SLC30A8: variants seen among roughly 807,000 people sequenced by gnomAD.
SLC30A8 encodes the protein solute carrier family 30 member 8, also known as proton-coupled zinc antiporter SLC30A8.
A neutral mutation model predicts 36.9 loss-of-function variants in SLC30A8; 27 were observed. That is an observed-to-expected ratio of 0.73 (90% confidence interval 0.54 to 1.01). The LOEUF (loss-of-function observed/expected upper bound fraction) is 1.01, where lower values mean the gene tolerates loss of function less well. SLC30A8 is among the 50% of genes least tolerant of loss of function. SLC30A8 has a pLI of 0.00. For synonymous variants in SLC30A8, 164 were observed against 172.4 expected (o/e 0.95, Z 0.38); for missense variants, 439 against 452.0 (o/e 0.97, Z 0.26).
chr8:117,026,145 C>T (rs1816864436), intron 1 of SLC30A8, among the ~76,000 whole-genome samples: 1 of 152,108 alleles, frequency 6.6e-6, no homozygotes, highest in Admixed American at 6.6e-5. Flanking sequence ...GATTGCAATC[C>T]CCTGGCTGAC....
intron 1 of SLC30A8, among the ~76,000 whole-genome samples, chr8:117,031,556 G>A (rs1355371389): frequency 6.6e-6 from 1 of 151,708 alleles, no homozygotes; most frequent in Non-Finnish European, 1.5e-5. Flanking sequence ...TGCCTCCTGG[G>A]TTCAAGCGAT....
chr8:117,157,990 G>T, intron 4 of SLC30A8, 146 bp downstream of exon 4: 6 of 904,266 alleles, frequency 6.6e-6, no homozygotes, highest in Admixed American at 2.9e-5. Context: ...TGAAAATAAG[G>T]TTGACTGCTT....
At chr8:117,100,392 A>T (rs1048027370) in intron 2 of SLC30A8, among the ~76,000 whole-genome samples, 2 of 152,280 alleles carry the variant, frequency 1.3e-5, no homozygotes, top group East Asian at 1.9e-4. Context: ...GAGGTATTCA[A>T]ATCTTAATCT....
intron 2 of SLC30A8, among the ~76,000 whole-genome samples, chr8:117,097,962 A>G (rs1263536325): frequency 8.2e-6 from 1 of 122,224 alleles, no homozygotes; most frequent in Non-Finnish European, 1.6e-5. Flanking sequence ...AAATAAATAT[A>G]TTAAATAAAT....
chr8:117,003,515 G>A (rs1816081489), intron 1 of SLC30A8, among the ~76,000 whole-genome samples: 1 of 152,180 alleles, frequency 6.6e-6, no homozygotes, highest in South Asian at 2.1e-4. Context: ...AATTTGAAAA[G>A]CAGAGCGGCA....
intron 1 of SLC30A8, among the ~76,000 whole-genome samples, chr8:117,142,508 CT>C (rs34936109): frequency 1.9e-4 from 29 of 152,202 alleles, no homozygotes; most frequent in Admixed American, 7.9e-4. Context: ...AATCTGATCC[CT>C]TTTTTGACCT....
At chr8:117,129,325 G>A (rs1397110124) in intron 2 of SLC30A8, among the ~76,000 whole-genome samples, 1 of 151,938 alleles carries the variant, frequency 6.6e-6, no homozygotes, top group African/African-American at 2.4e-5. Context: ...TGACTGTATG[G>A]TATAAAGTGG....
At position 117,002,655 on chromosome 8, in the gene SLC30A8, A is replaced by C. The variant is rs540231946; in HGVS notation, c.-265-36564A>C. On this transcript the variant is annotated intron_variant, in intron 1 of 10. Transcript: ENST00000427715. Reference sequence around the variant, plus strand: ...GAGTCTTGCTCTGTCACCAGGCTGGAGTGCAGTGGCGCAATCTTGGCTCAC... The same window carrying C: ...GAGTCTTGCTCTGTCACCAGGCTGGCGTGCAGTGGCGCAATCTTGGCTCAC... 3.9e-5 allele frequency among the ~76,000 whole-genome samples: 6 copies of C among 152,168 alleles called. No individual in the cohort carries two copies. The South Asian group carries it at 1.2e-3, about 32-fold the overall frequency.
At chr8:117,119,814 T>C (rs1455075783) in intron 2 of SLC30A8, among the ~76,000 whole-genome samples, 1 of 151,918 alleles carries the variant, frequency 6.6e-6, no homozygotes, top group Non-Finnish European at 1.5e-5. Flanking sequence ...TAAAAATCAG[T>C]TGTGTTTCTA....
chr8:117,064,432 G>T (rs550731041), intron 2 of SLC30A8, among the ~76,000 whole-genome samples: 64 of 152,272 alleles, frequency 4.2e-4, no homozygotes, highest in South Asian at 2.3e-3. Flanking sequence ...TTACCAGGAG[G>T]ATGTCTCAGG....
intron 5 of SLC30A8, 74 bp from the exon 6 acceptor site, chr8:117,163,351 C>A (rs1216235929): frequency 5.1e-6 from 6 of 1,175,010 alleles, no homozygotes; most frequent in South Asian, 1.3e-5. Context: ...GGGAGGTTTA[C>A]TTATTTTATT....
intron 3 of SLC30A8, among the ~76,000 whole-genome samples, chr8:117,154,069 T>A (rs1822342919): frequency 6.6e-6 from 1 of 152,190 alleles, no homozygotes; most frequent in Non-Finnish European, 1.5e-5. Flanking sequence ...CACATTTGAC[T>A]GTATGCTTTT....
chr8:117,170,972 G>GCT, intron 6 of SLC30A8, 62 bp from the exon 7 acceptor site: 1 of 1,438,404 alleles, frequency 7.0e-7, no homozygotes, highest in Non-Finnish European at 9.3e-7. Context: ...AGCTTGTTTA[G>GCT]GTAATTCAAT....
intron 2 of SLC30A8, among the ~76,000 whole-genome samples, chr8:117,073,477 C>G (rs543420473): frequency 6.6e-6 from 1 of 152,198 alleles, no homozygotes; most frequent in East Asian, 1.9e-4. Context: ...CCAGGCTAGT[C>G]TTGAACTCCT....
chr8:117,037,016 C>T (rs903495231), intron 1 of SLC30A8, among the ~76,000 whole-genome samples: 23 of 124,470 alleles, frequency 1.8e-4, no homozygotes, highest in Admixed American at 1.8e-3. Flanking sequence ...CTTTCTAGCA[C>T]ATCAATTTTT....
At chr8:117,008,233 A>G (rs1816242066) in intron 1 of SLC30A8, among the ~76,000 whole-genome samples, 1 of 152,230 alleles carries the variant, frequency 6.6e-6, no homozygotes, top group Non-Finnish European at 1.5e-5. Flanking sequence ...TCTTAATAAT[A>G]CCAATAAGAA....
intron 2 of SLC30A8, among the ~76,000 whole-genome samples, chr8:117,077,819 C>A (rs747884897): frequency 6.6e-6 from 1 of 152,124 alleles, no homozygotes; most frequent in Non-Finnish European, 1.5e-5. Context: ...CTTTCTAGAG[C>A]GAGTCAAAGA....
At chr8:117,147,194 A>G (rs760025849) in intron 2 of SLC30A8, 41 bp downstream of exon 2, 9 of 1,565,788 alleles carry the variant, frequency 5.7e-6, no homozygotes, top group Non-Finnish European at 2.6e-6. Flanking sequence ...ACAACCAAAC[A>G]AAACTCTGCA....
intron 4 of SLC30A8, among the ~76,000 whole-genome samples, chr8:117,158,046 C>G (rs989292223): frequency 1.1e-4 from 16 of 151,924 alleles, no homozygotes; most frequent in African/African-American, 3.9e-4. Context: ...TGCTAGCTAT[C>G]ATGTTTTGAA....
Sources: gnomAD v4.1 joint callset for allele counts (sites outside exome capture counted in the v4.1 genomes callset) on GRCh38, gnomAD v4.1.1 for gene constraint, MANE v1.5 for transcripts, NCBI Gene and HGNC (gene_info 2026-07-23, HGNC 2026-07-21) for gene names.